The following RIMBP2 variants were observed in gnomAD, a reference collection of about 807,000 sequenced individuals.
The protein encoded by RIMBP2 is RIMS binding protein 2.
RIMBP2 carries 48 observed loss-of-function variants against 118.6 expected under a neutral mutation model. The observed-to-expected ratio is 0.40, with a 90% CI of 0.32 to 0.51. The LOEUF (loss-of-function observed/expected upper bound fraction) is 0.51, where lower values mean the gene tolerates loss of function less well. Among genes scored for constraint, RIMBP2 ranks in the 20% least tolerant of loss-of-function variants. RIMBP2 has a pLI of 0.41. For missense variants in RIMBP2, 1,551 were observed against 1,768.3 expected (o/e 0.88, Z 2.20); for synonymous variants, 762 against 742.9 (o/e 1.03, Z -0.42).
chr12:130,407,626 G>A, intron 20 of RIMBP2, 100 bp downstream of exon 20: 1 of 936,978 alleles, frequency 1.1e-6, no homozygotes, highest in Non-Finnish European at 1.8e-6. Context: ...TCGGAGAGAA[G>A]GAATGAGGAG....
At chr12:130,597,475 C>A (rs886294780) in intron 2 of RIMBP2, among the ~76,000 whole-genome samples, 1 of 152,202 alleles carries the variant, frequency 6.6e-6, no homozygotes, top group Non-Finnish European at 1.5e-5. Context: ...AACTCCTGAA[C>A]CATGATCCGC....
intron 1 of RIMBP2, among the ~76,000 whole-genome samples, chr12:130,674,894 C>T (rs964118201): frequency 7.2e-5 from 11 of 152,294 alleles, no homozygotes; most frequent in Admixed American, 4.6e-4. Flanking sequence ...CTCTTCCACA[C>T]AGCGTGTCCG....
rs963973600 is a variant in RIMBP2, at chr12:130,475,497, A to G, written c.102+3415T>C. ...CACATTGCACATCAAGAAAAACAAC[A>G]TTATAGGATGGAGGAAGCTGAGGAT... On this transcript the variant is annotated intron_variant, in intron 5 of 22. Coordinates refer to ENST00000690449, the MANE Select transcript of RIMBP2 (RefSeq NM_001393629.1). This position sits in a 1 kb window ranked among gnomAD's most constrained non-coding sequence, Gnocchi z 4.1. Among the ~76,000 whole-genome samples the G allele has an allele frequency of 6.6e-6, 1 of 151,654 alleles. No individual in the cohort carries two copies. Among genetic ancestry groups the G allele is most frequent in the African/African-American group, 2.4e-5 (1 of 40,934 alleles).
chr12:130,614,082 T>C (rs2060746462), intron 2 of RIMBP2, among the ~76,000 whole-genome samples: 2 of 152,208 alleles, frequency 1.3e-5, no homozygotes, highest in African/African-American at 2.4e-5. Context: ...CTGAACGCTG[T>C]CTCACCTGAT....
chr12:130,526,167 T>G (rs2052764971), intron 2 of RIMBP2, among the ~76,000 whole-genome samples: 1 of 152,124 alleles, frequency 6.6e-6, no homozygotes, highest in Non-Finnish European at 1.5e-5. Flanking sequence ...CTTGGGGGCC[T>G]ACAAAAATAT....
At chr12:130,685,929 C>G (rs1266428875) in intron 1 of RIMBP2, among the ~76,000 whole-genome samples, 1 of 152,190 alleles carries the variant, frequency 6.6e-6, no homozygotes, top group East Asian at 1.9e-4. Context: ...CCTAGGTCCG[C>G]CCAGGCCCGC....
chr12:130,405,039 G>A (rs2075028902), intron 21 of RIMBP2, among the ~76,000 whole-genome samples: 1 of 152,140 alleles, frequency 6.6e-6, no homozygotes, highest in South Asian at 2.1e-4. Flanking sequence ...GTAGATACTT[G>A]AGATTTACAT....
chr12:130,584,688 A>ATTACATCATCACTATCACAACCC (rs2058756659), intron 2 of RIMBP2, among the ~76,000 whole-genome samples: 1 of 76,492 alleles, frequency 1.3e-5, no homozygotes, highest in African/African-American at 3.0e-5. Flanking sequence ...TATCACAACC[A>ATTACATCATCACTATCACAACCC]TTACATCATC....
chr12:130,539,179 A>C (rs902757984), intron 2 of RIMBP2, among the ~76,000 whole-genome samples: 4 of 152,156 alleles, frequency 2.6e-5, no homozygotes, highest in African/African-American at 9.7e-5. Context: ...ATACATATAT[A>C]TTTTTACAAT....
At chr12:130,610,420 A>G (rs1203712844) in intron 2 of RIMBP2, among the ~76,000 whole-genome samples, 4 of 152,238 alleles carry the variant, frequency 2.6e-5, no homozygotes, top group Non-Finnish European at 4.4e-5. Flanking sequence ...TGCTTGTATA[A>G]TACTTAACAG....
At position 130,542,560 on chromosome 12, in the gene RIMBP2, T is replaced by G. The variant is rs146920694; in HGVS notation, c.-216-24643A>C. 2.0e-5 allele frequency among the ~76,000 whole-genome samples: 3 copies of G among 152,320 alleles called. No homozygotes were observed. The East Asian group carries it at 5.8e-4, about 29-fold the overall frequency. Reference sequence around the variant, plus strand: ...GGGAGATGAGGGAGAGTTCCTGAACTTCACAGTTTTGAAGAACTATTAAAG... The same window carrying G: ...GGGAGATGAGGGAGAGTTCCTGAACGTCACAGTTTTGAAGAACTATTAAAG... On this transcript the variant is annotated intron_variant, in intron 2 of 22. Coordinates refer to ENST00000690449, the MANE Select transcript of RIMBP2 (RefSeq NM_001393629.1).
intron 1 of RIMBP2, among the ~76,000 whole-genome samples, chr12:130,656,810 G>A (rs1171549105): frequency 1.4e-5 from 2 of 147,806 alleles, no homozygotes; most frequent in Non-Finnish European, 2.9e-5. Flanking sequence ...TTGGGAGGCT[G>A]AGGTGGCAGG....
At chr12:130,473,739 A>G (rs554884136) in intron 5 of RIMBP2, among the ~76,000 whole-genome samples, 2 of 152,332 alleles carry the variant, frequency 1.3e-5, no homozygotes, top group East Asian at 3.9e-4. Context: ...CCAGGAGCAC[A>G]CAGGATTAGG....
intron 21 of RIMBP2, among the ~76,000 whole-genome samples, chr12:130,402,680 A>G (rs554756167): frequency 1.3e-5 from 2 of 152,212 alleles, no homozygotes; most frequent in Non-Finnish European, 2.9e-5. Flanking sequence ...CTGGAGGCCT[A>G]ATGTCCAGAC....
intron 1 of RIMBP2, among the ~76,000 whole-genome samples, chr12:130,713,983 C>A (rs1265978363): frequency 1.3e-5 from 2 of 152,208 alleles, no homozygotes; most frequent in East Asian, 1.9e-4. Flanking sequence ...CGTGGGAATG[C>A]GGATTCCCGG....
At chr12:130,522,761 C>G (rs551405521) in intron 2 of RIMBP2, among the ~76,000 whole-genome samples, 1 of 152,116 alleles carries the variant, frequency 6.6e-6, no homozygotes, top group African/African-American at 2.4e-5. Flanking sequence ...GTGCCTGAGG[C>G]TGTCTCCCTG....
chr12:130,610,561 T>C (rs1566362115), intron 2 of RIMBP2, among the ~76,000 whole-genome samples: 1 of 94,742 alleles, frequency 1.1e-5, no homozygotes, highest in South Asian at 5.3e-4. Flanking sequence ...CTTTTTTTTT[T>C]TTTTTTTTTT....
chr12:130,635,335 C>T (rs989712488), intron 1 of RIMBP2, among the ~76,000 whole-genome samples: 8 of 152,146 alleles, frequency 5.3e-5, no homozygotes, highest in African/African-American at 1.9e-4. Context: ...GGAGAGCATC[C>T]GGCCAAAGGA....
chr12:130,610,662 G>A (rs926403846), intron 2 of RIMBP2, among the ~76,000 whole-genome samples: 7 of 139,944 alleles, frequency 5.0e-5, no homozygotes, highest in Admixed American at 8.0e-5. Flanking sequence ...CCGGGTTCAC[G>A]CCATTCTCCT....
Sources: gnomAD v4.1 joint callset for allele counts (sites outside exome capture counted in the v4.1 genomes callset) on GRCh38, gnomAD v4.1.1 for gene constraint, Gnocchi (gnomAD v3.1) non-coding constraint, MANE v1.5 for transcripts, NCBI Gene and HGNC (gene_info 2026-07-23, HGNC 2026-07-21) for gene names.